PTK2: variants seen among roughly 807,000 people sequenced by gnomAD.
The protein encoded by PTK2 is protein tyrosine kinase 2, also known as focal adhesion kinase 1.
PTK2 carries 45 observed loss-of-function variants against 150.1 expected under a neutral mutation model. The observed-to-expected ratio is 0.30, with a 90% CI of 0.24 to 0.38. The LOEUF is 0.38. Ranked by LOEUF, PTK2 falls within the 10% of genes least tolerant of loss-of-function variation. PTK2 has a pLI of 1.00. For missense variants in PTK2, 919 were observed against 1,307.3 expected (o/e 0.70, Z 4.58); for synonymous variants, 432 against 449.2 (o/e 0.96, Z 0.48).
intron 3 of PTK2, among the ~76,000 whole-genome samples, chr8:140,889,160 CTAA>C (rs1432923839): frequency 9.9e-5 from 15 of 152,118 alleles, no homozygotes; most frequent in African/African-American, 3.6e-4. Context: ...GAATAGTTTG[CTAA>C]TATTAAAATT....
At chr8:140,937,757 C>T (rs570703245) in intron 1 of PTK2, among the ~76,000 whole-genome samples, 2 of 152,228 alleles carry the variant, frequency 1.3e-5, no homozygotes, top group South Asian at 4.1e-4. Flanking sequence ...AAGTACAACA[C>T]ATATTTACTA....
At chr8:140,728,017 G>A (rs1311571056) in intron 22 of PTK2, among the ~76,000 whole-genome samples, 5 of 152,034 alleles carry the variant, frequency 3.3e-5, no homozygotes, top group African/African-American at 9.7e-5. Flanking sequence ...CCAACATGGC[G>A]AAACCCTGTC....
At chr8:140,899,169 C>A (rs185709369) in intron 2 of PTK2, among the ~76,000 whole-genome samples, 1 of 152,286 alleles carries the variant, frequency 6.6e-6, no homozygotes, top group Admixed American at 6.5e-5. Flanking sequence ...CTTTGATACA[C>A]TTTCTGTTAA....
At chr8:140,973,258 T>A (rs2100188022) in intron 1 of PTK2, among the ~76,000 whole-genome samples, 1 of 152,160 alleles carries the variant, frequency 6.6e-6, no homozygotes, top group South Asian at 2.1e-4. Context: ...TGGAAGCTCG[T>A]CCGATAAAGC....
chr8:140,746,888 C>CTTTA, intron 17 of PTK2, 28 bp from the exon 21 acceptor site: 2 of 1,135,868 alleles, frequency 1.8e-6, no homozygotes, highest in Non-Finnish European at 2.5e-6. Flanking sequence ...CATAGTTATT[C>CTTTA]TTTCTTTTTT....
intron 14 of PTK2, among the ~76,000 whole-genome samples, chr8:140,782,080 A>C (rs1463056946): frequency 6.6e-6 from 1 of 152,220 alleles, no homozygotes; most frequent in Non-Finnish European, 1.5e-5. Context: ...TACCAGACTG[A>C]CTACCAGAAT....
At chr8:140,836,321 G>A (rs2100118641) in intron 7 of PTK2, among the ~76,000 whole-genome samples, 1 of 152,144 alleles carries the variant, frequency 6.6e-6, no homozygotes, top group Non-Finnish European at 1.5e-5. Flanking sequence ...ATACACGTTT[G>A]TGTCCTTGAA....
intron 7 of PTK2, among the ~76,000 whole-genome samples, chr8:140,840,189 G>C (rs1222716019): frequency 6.6e-6 from 1 of 152,132 alleles, no homozygotes; most frequent in Non-Finnish European, 1.5e-5. Flanking sequence ...CTCCCGACTA[G>C]GTGAGACCAC....
At chr8:140,691,709 A>C in intron 26 of PTK2, among the ~76,000 whole-genome samples, 1 of 152,226 alleles carries the variant, frequency 6.6e-6, no homozygotes, top group East Asian at 1.9e-4. Context: ...TAACCTCTCT[A>C]GGCCCAGTTC....
chr8:140,877,111 C>A (rs1445396794), intron 4 of PTK2, among the ~76,000 whole-genome samples: 2 of 139,184 alleles, frequency 1.4e-5, no homozygotes, highest in East Asian at 4.3e-4. Context: ...CGGCTCACTG[C>A]AACCTCCGCC....
chr8:140,742,608 G>A (rs559834344), intron 20 of PTK2, among the ~76,000 whole-genome samples: 2 of 152,288 alleles, frequency 1.3e-5, no homozygotes, highest in African/African-American at 4.8e-5. Context: ...GGACACAGAT[G>A]TGGAACATCT....
chr8:140,957,538 T>C (rs1216245278), intron 1 of PTK2, among the ~76,000 whole-genome samples: 1 of 152,210 alleles, frequency 6.6e-6, no homozygotes, highest in African/African-American at 2.4e-5. Flanking sequence ...ATTTATAAAA[T>C]CTACAGTAGC....
At chr8:140,756,412 T>G (rs186020037) in intron 16 of PTK2, among the ~76,000 whole-genome samples, 98 of 150,794 alleles carry the variant, frequency 6.5e-4, no homozygotes, top group Non-Finnish European at 1.2e-3. Flanking sequence ...AACATTAGAT[T>G]ATGGGCCGGG....
intron 23 of PTK2, among the ~76,000 whole-genome samples, chr8:140,710,053 T>C (rs1006335913): frequency 4.6e-5 from 7 of 152,140 alleles, no homozygotes; most frequent in Non-Finnish European, 7.4e-5. Context: ...GTGGCTCATG[T>C]CTGTAATCTC....
At chr8:140,959,764 T>C (rs1241983069) in intron 1 of PTK2, among the ~76,000 whole-genome samples, 1 of 152,062 alleles carries the variant, frequency 6.6e-6, no homozygotes, top group African/African-American at 2.4e-5. Flanking sequence ...AGGCCAAGGT[T>C]GGAGGACAGC....
intron 1 of PTK2, among the ~76,000 whole-genome samples, chr8:140,992,223 C>T (rs2100195958): frequency 6.7e-6 from 1 of 148,464 alleles, no homozygotes; most frequent in Admixed American, 6.9e-5. Flanking sequence ...ACCCGAGAGG[C>T]AGAGGTTGCA....
chr8:140,995,234 T>C (rs1344947594), intron 1 of PTK2, among the ~76,000 whole-genome samples: 1 of 151,612 alleles, frequency 6.6e-6, no homozygotes, highest in African/African-American at 2.4e-5. Context: ...ATACAAAAAA[T>C]TAGCCAGGCA....
intron 25 of PTK2, 23 bp from the exon 29 acceptor site, chr8:140,701,045 C>T (rs1321875288): frequency 6.2e-7 from 1 of 1,608,884 alleles, no homozygotes; most frequent in African/African-American, 1.3e-5. Context: ...TTGAAAACAG[C>T]ATATTCAGTC....
At chr8:140,888,044 G>A (rs2100152950) in intron 3 of PTK2, among the ~76,000 whole-genome samples, 1 of 152,156 alleles carries the variant, frequency 6.6e-6, no homozygotes, top group African/African-American at 2.4e-5. Context: ...TCAATGGTCA[G>A]TTTCTTTCTG....
Sources: allele counts gnomAD v4.1 joint callset (sites outside exome capture counted in the v4.1 genomes callset), GRCh38; gene constraint gnomAD v4.1.1; transcripts MANE v1.5; gene names NCBI Gene and HGNC (gene_info 2026-07-23, HGNC 2026-07-21).